The following MYO10 variants were observed in gnomAD, a reference collection of about 807,000 sequenced individuals.
MYO10 encodes myosin X.
A neutral mutation model predicts 257.3 loss-of-function variants in MYO10; 133 were observed. The observed-to-expected ratio is 0.52, with a 90% CI of 0.45 to 0.60. MYO10 has a LOEUF of 0.60. MYO10 is among the 20% of genes least tolerant of loss of function. The pLI, the probability that MYO10 is intolerant of heterozygous loss-of-function variation, is 0.00. For missense variants in MYO10, 2,399 were observed against 2,635.7 expected, an observed-to-expected ratio of 0.91 and a Z score of 1.97; for synonymous variants, 1,104 against 1,028.6, an observed-to-expected ratio of 1.07 and a Z score of -1.40.
chr5:16,685,890 A>T, intron 28 of MYO10, 59 bp from the exon 29 acceptor site: 1 of 1,316,474 alleles, frequency 7.6e-7, no homozygotes, highest in Non-Finnish European at 1.1e-6. Context: ...GCAAAGCAAT[A>T]GTGCCCTACT....
At chr5:16,888,008 G>C (rs754163898) in intron 1 of MYO10, among the ~76,000 whole-genome samples, 3 of 152,192 alleles carry the variant, frequency 2.0e-5, no homozygotes, top group Admixed American at 2.0e-4. Context: ...CCATCTATTA[G>C]TTAACCATCA....
chr5:16,819,915 G>T (rs1007179103), intron 2 of MYO10, among the ~76,000 whole-genome samples: 7 of 152,202 alleles, frequency 4.6e-5, no homozygotes, highest in Non-Finnish European at 1.0e-4. Flanking sequence ...AACTGCTCGA[G>T]GCCAAGATAG....
intron 9 of MYO10, among the ~76,000 whole-genome samples, chr5:16,778,170 G>C (rs1338211636): frequency 2.0e-5 from 3 of 151,972 alleles, no homozygotes; most frequent in African/African-American, 7.3e-5. Flanking sequence ...GTTCTAATAA[G>C]GGCTCTGGTA....
intron 18 of MYO10, among the ~76,000 whole-genome samples, chr5:16,757,478 A>G (rs929171351): frequency 1.3e-5 from 2 of 152,150 alleles, no homozygotes; most frequent in Non-Finnish European, 2.9e-5. Context: ...CAGGGGGAAA[A>G]AACATCCAGA....
At chr5:16,886,932 CAAA>C (rs75535220) in intron 1 of MYO10, among the ~76,000 whole-genome samples, 6 of 101,894 alleles carry the variant, frequency 5.9e-5, no homozygotes, top group Non-Finnish European at 6.0e-5. Flanking sequence ...ACTCCATCTC[CAAA>C]AAAAAAAAAA....
chr5:16,808,516 A>T (rs1323483825), intron 3 of MYO10, among the ~76,000 whole-genome samples: 1 of 152,172 alleles, frequency 6.6e-6, no homozygotes, highest in Non-Finnish European at 1.5e-5. Context: ...ACAATTTTTT[A>T]AAAATCGTGA....
At chr5:16,863,712 G>T (rs1209394503) in intron 2 of MYO10, among the ~76,000 whole-genome samples, 1 of 152,098 alleles carries the variant, frequency 6.6e-6, no homozygotes, top group Non-Finnish European at 1.5e-5. Context: ...CTAAGTCAAA[G>T]AATTCCCTTG....
intron 9 of MYO10, among the ~76,000 whole-genome samples, chr5:16,772,352 C>G (rs368598572): frequency 1.3e-5 from 2 of 152,080 alleles, no homozygotes; most frequent in African/African-American, 4.8e-5. Context: ...AGGCTGGTCT[C>G]GAACTCCCGA....
Position 16,823,450 on chromosome 5 carries a change from G to A in MYO10, c.121-5283C>T, listed in dbSNP as rs1181453731. 3.4e-4 allele frequency among the ~76,000 whole-genome samples: 6 copies of A among 17,584 alleles called. 1 individual carries two copies. Among genetic ancestry groups the A allele is most frequent in the Non-Finnish European group, 9.6e-4 (6 of 6,244 alleles). 11.5% of individuals were successfully genotyped at this position (17,584 alleles called of 152,430 possible). A position where few individuals can be genotyped will look rare whatever the true frequency, so the allele number is the denominator to read the frequency against. ...ACAGGGCAAGACTCCATCTTGCGCG[G>A]GGGGGGGGGGAGTGGGGATTTTTTT... On this transcript the variant is annotated intron_variant, in intron 2 of 40. Coordinates refer to ENST00000513610, the MANE Select transcript of MYO10 (RefSeq NM_012334.3).
intron 39 of MYO10, among the ~76,000 whole-genome samples, chr5:16,669,470 C>T (rs1053498841): frequency 2.6e-5 from 4 of 152,148 alleles, no homozygotes; most frequent in African/African-American, 4.8e-5. Flanking sequence ...TCCCAAAGCG[C>T]TGGGATTACA....
intron 4 of MYO10, among the ~76,000 whole-genome samples, chr5:16,784,546 G>A (rs772936663): frequency 4.6e-5 from 7 of 152,210 alleles, no homozygotes; most frequent in Non-Finnish European, 7.3e-5. Flanking sequence ...TCTGGCATAT[G>A]GCACCATGCT....
At chr5:16,791,388 T>A (rs1741750837) in intron 4 of MYO10, among the ~76,000 whole-genome samples, 2 of 152,300 alleles carry the variant, frequency 1.3e-5, no homozygotes, top group East Asian at 1.9e-4. Flanking sequence ...AATCTATTCT[T>A]AAAGTCTCTG....
chr5:16,814,308 AT>A (rs1224219810), intron 3 of MYO10, among the ~76,000 whole-genome samples: 1 of 151,348 alleles, frequency 6.6e-6, no homozygotes, highest in African/African-American at 2.4e-5. Flanking sequence ...CACCCGGCTA[AT>A]TTTTTTGTAC....
chr5:16,819,878 C>A lies in MYO10; in HGVS notation c.121-1711G>T, dbSNP rs1336566559. Among the ~76,000 whole-genome samples the A allele has an allele frequency of 1.3e-5, 2 of 152,160 alleles. 1 individual carries two copies. The highest frequency in any genetic ancestry group is 2.9e-5 in the Non-Finnish European group (2 of 68,036). Reference sequence around the variant, plus strand: ...AGTAGCATTTCTGCCACATGAACCACTAGAGTTGGTCAAGCCAGTCCTGAG... The same window carrying A: ...AGTAGCATTTCTGCCACATGAACCAATAGAGTTGGTCAAGCCAGTCCTGAG... On this transcript the variant is annotated intron_variant, in intron 2 of 40. Coordinates refer to ENST00000513610, the MANE Select transcript of MYO10 (RefSeq NM_012334.3).
intron 2 of MYO10, among the ~76,000 whole-genome samples, chr5:16,848,157 T>TTTTTTTTTTTCTTTCTTTC (rs1561016550): frequency 1.4e-5 from 2 of 142,230 alleles, no homozygotes; most frequent in African/African-American, 5.3e-5. Flanking sequence ...ACACATTTCT[T>TTTTTTTTTTTCTTTCTTTC]TTTTTTTTTT....
chr5:16,766,451 T>A (rs1316954545), intron 10 of MYO10, among the ~76,000 whole-genome samples: 1 of 152,216 alleles, frequency 6.6e-6, no homozygotes, highest in Non-Finnish European at 1.5e-5. Context: ...CTCCTTTTTT[T>A]TGAGACGGAG....
At chr5:16,926,230 A>G (rs934975441) in intron 1 of MYO10, among the ~76,000 whole-genome samples, 1 of 152,252 alleles carries the variant, frequency 6.6e-6, no homozygotes, top group African/African-American at 2.4e-5. Context: ...CAGATTACGG[A>G]TATTCAACCT....
At chr5:16,717,710 GACAA>G in intron 19 of MYO10, among the ~76,000 whole-genome samples, 1 of 146,982 alleles carries the variant, frequency 6.8e-6, no homozygotes, top group East Asian at 2.0e-4. Context: ...TCTGATCACT[GACAA>G]ACAATTCAAC....
chr5:16,904,860 C>T (rs906768819), intron 1 of MYO10, among the ~76,000 whole-genome samples: 16 of 150,360 alleles, frequency 1.1e-4, no homozygotes, highest in African/African-American at 3.7e-4. Context: ...ACCCAGGAGG[C>T]GGAGCTTGCA....
Sources: allele counts gnomAD v4.1 joint callset (sites outside exome capture counted in the v4.1 genomes callset), GRCh38; gene constraint gnomAD v4.1.1; transcripts MANE v1.5; gene names NCBI Gene and HGNC (gene_info 2026-07-23, HGNC 2026-07-21).